The following ELOVL6 variants were observed in gnomAD, a reference collection of about 807,000 sequenced individuals.
ELOVL6 encodes the protein very long chain fatty acid elongase 6.
Under a neutral mutation model 31.7 loss-of-function variants are expected in ELOVL6, and 8 were observed. The observed-to-expected ratio is 0.25, with a 90% CI of 0.15 to 0.45. The LOEUF is 0.45. ELOVL6 is among the 20% of genes least tolerant of loss of function. The pLI is 1.00. For synonymous variants in ELOVL6, 101 were observed against 117.7 expected (o/e 0.86, Z 0.92); for missense variants, 126 against 326.4 (o/e 0.39, Z 4.73).
intron 1 of ELOVL6, among the ~76,000 whole-genome samples, chr4:110,155,081 A>G (rs572470480): frequency 2.1e-4 from 32 of 152,334 alleles, no homozygotes; most frequent in African/African-American, 7.2e-4. Flanking sequence ...TACTGCTATT[A>G]TATACTAATA....
chr4:110,084,410 C>CATATATG (rs1715947046), intron 2 of ELOVL6, among the ~76,000 whole-genome samples: 2 of 24,758 alleles, frequency 8.1e-5, no homozygotes, highest in Admixed American at 9.0e-4. Context: ...TGATATATGA[C>CATATATG]ATACATGATA....
At chr4:110,059,204 C>T (rs1472621961) in intron 3 of ELOVL6, among the ~76,000 whole-genome samples, 1 of 152,130 alleles carries the variant, frequency 6.6e-6, no homozygotes, top group Non-Finnish European at 1.5e-5. Flanking sequence ...AATCTGAATC[C>T]TAACTCTACA....
intron 3 of ELOVL6, among the ~76,000 whole-genome samples, chr4:110,055,801 G>A (rs568338692): frequency 2.0e-5 from 3 of 152,238 alleles, no homozygotes; most frequent in South Asian, 2.1e-4. Context: ...AAATCTCAGC[G>A]GGTTTTAATA....
chr4:110,104,957 T>C (rs1263019158), intron 2 of ELOVL6, among the ~76,000 whole-genome samples: 1 of 152,178 alleles, frequency 6.6e-6, no homozygotes, highest in Non-Finnish European at 1.5e-5. Context: ...GCTGGCTACA[T>C]AAACACATGT....
chr4:110,084,368 T>A (rs1367954258), intron 2 of ELOVL6, among the ~76,000 whole-genome samples: 1 of 44,774 alleles, frequency 2.2e-5, no homozygotes, highest in African/African-American at 1.5e-4. Flanking sequence ...ACCGCATATA[T>A]GATATATGAT....
intron 1 of ELOVL6, among the ~76,000 whole-genome samples, chr4:110,189,491 G>A (rs1248209592): frequency 6.7e-6 from 1 of 149,820 alleles, no homozygotes; most frequent in Non-Finnish European, 1.5e-5. Flanking sequence ...GAAGGCTGAG[G>A]CAGGGGAACT....
At chr4:110,069,665 G>A (rs1010227792) in intron 2 of ELOVL6, among the ~76,000 whole-genome samples, 1 of 152,200 alleles carries the variant, frequency 6.6e-6, no homozygotes, top group Admixed American at 6.5e-5. Context: ...TTACTAAGTA[G>A]CAGAATCTTC....
At chr4:110,134,099 C>T (rs1757743196) in intron 1 of ELOVL6, among the ~76,000 whole-genome samples, 1 of 152,178 alleles carries the variant, frequency 6.6e-6, no homozygotes, top group Non-Finnish European at 1.5e-5. Context: ...TAACAAATAA[C>T]TCTGAGGATA....
chr4:110,193,581 G>T (rs1759687436), intron 1 of ELOVL6, among the ~76,000 whole-genome samples: 1 of 152,084 alleles, frequency 6.6e-6, no homozygotes, highest in African/African-American at 2.4e-5. Flanking sequence ...TCCAGCCTGG[G>T]CAACAGAGTG....
chr4:110,081,320 T>C (rs1755839941), intron 2 of ELOVL6, among the ~76,000 whole-genome samples: 2 of 152,318 alleles, frequency 1.3e-5, no homozygotes, highest in Non-Finnish European at 2.9e-5. Flanking sequence ...GCTGGAGGCA[T>C]CACACTACCT....
At chr4:110,072,778 GCCTTCTCTGGGGT>G (rs1257523426) in intron 2 of ELOVL6, among the ~76,000 whole-genome samples, 16 of 152,138 alleles carry the variant, frequency 1.1e-4, no homozygotes, top group African/African-American at 3.1e-4. Context: ...TCTCCAAATG[GCCTTCTCTGGGGT>G]CCTCTCATCT....
At chr4:110,074,142 C>A (rs1755566672) in intron 2 of ELOVL6, among the ~76,000 whole-genome samples, 2 of 152,124 alleles carry the variant, frequency 1.3e-5, no homozygotes, top group African/African-American at 4.8e-5. Context: ...CCCAGGAACT[C>A]CCCAGGATAC....
chr4:110,132,746 A>G (rs1757704560), intron 1 of ELOVL6, among the ~76,000 whole-genome samples: 1 of 152,176 alleles, frequency 6.6e-6, no homozygotes. Context: ...AGGCTGAGGC[A>G]GGAAGATCAC....
intron 1 of ELOVL6, among the ~76,000 whole-genome samples, chr4:110,186,792 A>G (rs1759452685): frequency 8.4e-6 from 1 of 119,092 alleles, no homozygotes; most frequent in Non-Finnish European, 1.7e-5. Flanking sequence ...TAACAGAACG[A>G]GACTCTGTCT....
chr4:110,108,952 T>C (rs1756957956), intron 1 of ELOVL6, among the ~76,000 whole-genome samples: 1 of 152,224 alleles, frequency 6.6e-6, no homozygotes, highest in South Asian at 2.1e-4. Flanking sequence ...TCATTTATGG[T>C]TGAATGTACT....
At chr4:110,186,499 G>A (rs997494098) in intron 1 of ELOVL6, among the ~76,000 whole-genome samples, 1 of 151,972 alleles carries the variant, frequency 6.6e-6, no homozygotes, top group African/African-American at 2.4e-5. Context: ...AGCAGTATGG[G>A]TTAGTGCCAG....
chr4:110,140,961 C>T (rs1199265158), intron 1 of ELOVL6, among the ~76,000 whole-genome samples: 6 of 152,060 alleles, frequency 3.9e-5, no homozygotes, highest in Non-Finnish European at 7.4e-5. Flanking sequence ...GCTGGGGAGG[C>T]CTCACAATCA....
chr4:110,177,147 A>G (rs915617298), intron 1 of ELOVL6, among the ~76,000 whole-genome samples: 2 of 152,232 alleles, frequency 1.3e-5, no homozygotes, highest in South Asian at 4.1e-4. Context: ...TATAGCAATA[A>G]TAAGAGCAGA....
At chr4:110,183,509 C>T (rs1473613406) in intron 1 of ELOVL6, among the ~76,000 whole-genome samples, 2 of 152,192 alleles carry the variant, frequency 1.3e-5, no homozygotes, top group Non-Finnish European at 2.9e-5. Flanking sequence ...CATGGTCACT[C>T]ATATTTGGCT....
Sources: allele counts gnomAD v4.1 joint callset (sites outside exome capture counted in the v4.1 genomes callset), GRCh38; gene constraint gnomAD v4.1.1; transcripts MANE v1.5; gene names NCBI Gene and HGNC (gene_info 2026-07-23, HGNC 2026-07-21).